NAV1: variants seen among roughly 807,000 people sequenced by gnomAD.
The protein encoded by NAV1 is neuron navigator 1.
Under a neutral mutation model 175.2 loss-of-function variants are expected in NAV1, and 18 were observed. The ratio of observed to expected loss-of-function variants is 0.10; its 90% CI spans 0.07 to 0.15. The LOEUF (loss-of-function observed/expected upper bound fraction) is 0.15. Ranked by LOEUF, NAV1 falls within the 10% of genes least tolerant of loss-of-function variation. NAV1 has a pLI of 1.00. For missense variants in NAV1, 1,731 were observed against 2,436.6 expected, an observed-to-expected ratio of 0.71 and a Z score of 6.10; for synonymous variants, 897 against 978.7, an observed-to-expected ratio of 0.92 and a Z score of 1.56.
At chr1:201,777,401 G>A (rs1177970419) in intron 3 of NAV1, among the ~76,000 whole-genome samples, 1 of 152,130 alleles carries the variant, frequency 6.6e-6, no homozygotes, top group Non-Finnish European at 1.5e-5. Context: ...CAAAAAAGGA[G>A]CACTTTTCCT....
chr1:201,585,550 T>A (rs935423959), intron 1 of NAV1, among the ~76,000 whole-genome samples: 39 of 151,720 alleles, frequency 2.6e-4, no homozygotes, highest in Admixed American at 2.2e-3. Context: ...GGAAAAAAAA[T>A]TTGCAAATCT....
chr1:201,618,780 G>T (rs1668074318), upstream of NAV1, among the ~76,000 whole-genome samples: 1 of 152,286 alleles, frequency 6.6e-6, no homozygotes, highest in East Asian at 1.9e-4. Flanking sequence ...TTGTAAGGTT[G>T]TTGTTAAGAA....
chr1:201,809,576 C>A, intron 22 of NAV1, 39 bp downstream of exon 26: 1 of 1,575,654 alleles, frequency 6.3e-7, no homozygotes, highest in South Asian at 1.1e-5. Context: ...TGTTCATCCT[C>A]TCGTGGAATA....
In NAV1 at chr1:201,780,572, G is replaced by T. The variant is rs767356662; in HGVS notation, c.1365+13G>T. 3.1e-6 allele frequency: 5 copies of T among 1,614,018 alleles called. No individual in the cohort carries two copies. In the East Asian group the frequency reaches 1.1e-4, roughly 36 times the overall value. On this transcript the variant is annotated intron_variant, in intron 4 of 29. Transcript: ENST00000367296. ...CTCAACAATAGTGGTACGTGAGTTT[G>T]CAAACACCCAAGCTGCCATCTCAAG...
chr1:201,706,576 C>T (rs2102456483), intron 1 of NAV1, among the ~76,000 whole-genome samples: 1 of 152,296 alleles, frequency 6.6e-6, no homozygotes, highest in Non-Finnish European at 1.5e-5. Context: ...ACCCTGAAAC[C>T]GCCGTGTACA....
intron 1 of NAV1, among the ~76,000 whole-genome samples, chr1:201,580,523 A>T (rs539116351): frequency 6.6e-6 from 1 of 152,334 alleles, no homozygotes; most frequent in African/African-American, 2.4e-5. Context: ...CTGTAATCCC[A>T]CCACTTTGGG....
At chr1:201,577,141 T>A (rs982298015) in intron 1 of NAV1, among the ~76,000 whole-genome samples, 1 of 152,170 alleles carries the variant, frequency 6.6e-6, no homozygotes, top group Non-Finnish European at 1.5e-5. Context: ...AGTGAACCAC[T>A]ATGCCTGGCC....
chr1:201,752,124 A>ACC (rs1674149454), intron 3 of NAV1, among the ~76,000 whole-genome samples: 1 of 152,146 alleles, frequency 6.6e-6, no homozygotes, highest in Non-Finnish European at 1.5e-5. Context: ...CAACAAAGAT[A>ACC]TTTCACCAAG....
intron 1 of NAV1, among the ~76,000 whole-genome samples, chr1:201,676,027 A>G (rs1670236991): frequency 6.6e-6 from 1 of 152,156 alleles, no homozygotes; most frequent in Non-Finnish European, 1.5e-5. Flanking sequence ...CTGCGTCTCA[A>G]AAGTGATCTC....
intron 1 of NAV1, among the ~76,000 whole-genome samples, chr1:201,664,267 A>T (rs1218073530): frequency 6.6e-6 from 1 of 152,146 alleles, no homozygotes; most frequent in Non-Finnish European, 1.5e-5. Flanking sequence ...GCTTGAACCC[A>T]GGAGGTGAAG....
At chr1:201,583,144 T>C (rs940277729) in intron 1 of NAV1, among the ~76,000 whole-genome samples, 2 of 152,260 alleles carry the variant, frequency 1.3e-5, no homozygotes, top group East Asian at 3.8e-4. Context: ...CCTCTGGGGC[T>C]TGGCCCATTT....
upstream of NAV1, among the ~76,000 whole-genome samples, chr1:201,644,206 C>T (rs79256946): frequency 7.9e-5 from 12 of 152,298 alleles, 1 homozygote; most frequent in East Asian, 1.5e-3. Context: ...GGTAGAATCT[C>T]TCTTCAGAGG....
exon 7 of NAV1, chr1:201,783,779 C>G (rs1571489532): frequency 1.2e-6 from 2 of 1,614,188 alleles, no homozygotes; most frequent in Non-Finnish European, 1.7e-6. Context: ...ACCTGCTCCC[C>G]CTGCTGCTCC....
At chr1:201,757,132 A>G (rs1372199304) in intron 3 of NAV1, among the ~76,000 whole-genome samples, 2 of 152,148 alleles carry the variant, frequency 1.3e-5, no homozygotes, top group African/African-American at 4.8e-5. Flanking sequence ...CTGTTCAACA[A>G]TCCCCATTAA....
intron 2 of NAV1, among the ~76,000 whole-genome samples, chr1:201,609,531 A>G (rs1212613303): frequency 2.0e-5 from 3 of 152,244 alleles, no homozygotes; most frequent in Admixed American, 6.5e-5. Flanking sequence ...GTTGAGTGAT[A>G]CTACCTCCAT....
Position 201,750,447 on chromosome 1 carries a change from G to C in NAV1, c.1227-29974G>C, listed in dbSNP as rs1020295733. On this transcript the variant is annotated intron_variant, in intron 3 of 29. Transcript: ENST00000367296. This position sits in a 1 kb window ranked among gnomAD's most constrained non-coding sequence, Gnocchi z 4.1. ...CCTCCCTTTCAAACAGAGCAGCCCT[G>C]TGTTTACCTGTTTCATACATTGAGG... is the stretch of plus-strand genomic sequence containing the variant. 1.3e-5 allele frequency among the ~76,000 whole-genome samples: 2 copies of C among 152,068 alleles called. No individual in the cohort carries two copies. The highest frequency in any genetic ancestry group is 1.3e-4 in the Admixed American group (2 of 15,266).
At chr1:201,825,637 T>C (rs929197282) in exon 30 of NAV1, 3 of 152,346 alleles carry the variant, frequency 2.0e-5, no homozygotes, top group Non-Finnish European at 4.4e-5. Flanking sequence ...GGTGACAGAA[T>C]AAAATCCTTT....
upstream of NAV1, among the ~76,000 whole-genome samples, chr1:201,645,915 A>G (rs1402008117): frequency 6.6e-6 from 1 of 152,240 alleles, no homozygotes; most frequent in Admixed American, 6.5e-5. Flanking sequence ...TGTATAAATT[A>G]GAGAATGACC....
intron 3 of NAV1, among the ~76,000 whole-genome samples, chr1:201,761,646 A>G (rs1674851250): frequency 6.6e-6 from 1 of 152,182 alleles, no homozygotes; most frequent in Admixed American, 6.5e-5. Context: ...TACGTTCTAT[A>G]TCACTTCTTC....
Sources: allele counts gnomAD v4.1 joint callset (sites outside exome capture counted in the v4.1 genomes callset), GRCh38; gene constraint gnomAD v4.1.1; non-coding constraint Gnocchi (gnomAD v3.1); transcripts MANE v1.5; gene names NCBI Gene and HGNC (gene_info 2026-07-23, HGNC 2026-07-21).